The following VPS13D variants were observed in gnomAD, a reference collection of about 807,000 sequenced individuals.
VPS13D encodes the protein vacuolar protein sorting 13 homolog D.
A neutral mutation model predicts 461.9 loss-of-function variants in VPS13D; 187 were observed. The ratio of observed to expected loss-of-function variants is 0.40; its 90% CI spans 0.36 to 0.46. The LOEUF (loss-of-function observed/expected upper bound fraction) is 0.46. Ranked by LOEUF, VPS13D falls within the 20% of genes least tolerant of loss-of-function variation. The probability of loss-of-function intolerance (pLI) is 0.60; values close to 1 mark genes in which losing one functional copy is unlikely to be tolerated. For synonymous variants in VPS13D, 1,951 were observed against 1,986.3 expected, an observed-to-expected ratio of 0.98 and a Z score of 0.47; for missense variants, 4,711 against 5,364.9, an observed-to-expected ratio of 0.88 and a Z score of 3.81.
chr1:12,237,781 C>A (rs1241296682), intron 2 of VPS13D, among the ~76,000 whole-genome samples: 1 of 152,078 alleles, frequency 6.6e-6, no homozygotes, highest in East Asian at 1.9e-4. Flanking sequence ...GAGCTATGTT[C>A]TTGTCACTGC....
chr1:12,493,840 C>A (rs1344754759), intron 67 of VPS13D, among the ~76,000 whole-genome samples: 1 of 152,218 alleles, frequency 6.6e-6, no homozygotes, highest in Non-Finnish European at 1.5e-5. Context: ...CAAATACTCT[C>A]CCCCTACCCA....
At chr1:12,437,410 T>C (rs1645076040) in intron 65 of VPS13D, among the ~76,000 whole-genome samples, 1 of 152,192 alleles carries the variant, frequency 6.6e-6, no homozygotes, top group Non-Finnish European at 1.5e-5. Context: ...CTGTGCAATT[T>C]GGAGCTCAAC....
Position 12,346,627 on chromosome 1 carries a change from C to G in VPS13D, c.9044C>G (p.Thr3015Arg), listed in dbSNP as rs746308274. Residue 3015 changes from threonine (T) to arginine (R), a missense_variant, in exon 44 of 70, where the codon ACA (threonine) becomes AGA (arginine). Thr to Arg is a moderately conservative substitution (Grantham distance 71). This residue lies in a region of VPS13D where 4,411 missense variants were observed against 4,937.8 expected (regional missense o/e 0.89). Coordinates refer to ENST00000620676, the MANE Select transcript of VPS13D (RefSeq NM_015378.4). ...SSTIGSPSSRTNIIHPQVYFS... is the reference protein window; with the variant it reads ...SSTIGSPSSRRNIIHPQVYFS... Reference sequence around the variant, plus strand: ...CAGATTGGCAGCCCAAGCAGCAGAACAAATATTATACATCCCCAGGTTTAT... The same window carrying G: ...CAGATTGGCAGCCCAAGCAGCAGAAGAAATATTATACATCCCCAGGTTTAT... The G allele has an allele frequency of 6.2e-7, 1 of 1,613,256 alleles. No homozygotes were observed. The highest frequency in any genetic ancestry group is 8.5e-7 in the Non-Finnish European group (1 of 1,179,798).
In VPS13D at chr1:12,314,172, C is replaced by T. The variant is rs573748248; in HGVS notation, c.6993C>T (p.Ser2331=). ...AAAGTTTTTCCAACCAAACCAAGTCCATTAACTTGGTTTCCCATTCCATGA... is the reference window on the plus strand; with the variant it reads ...AAAGTTTTTCCAACCAAACCAAGTCTATTAACTTGGTTTCCCATTCCATGA... The part of the protein sequence containing the change: ...LYESFSNQTK[S]INLVSHSMMA... The change falls in exon 30 of 70, where the codon TCC becomes TCT. Residue 2331 remains serine (S), a synonymous_variant. Coordinates refer to ENST00000620676, the MANE Select transcript of VPS13D (RefSeq NM_015378.4). 2 of 1,614,142 alleles carry T rather than the reference C, an allele frequency of 1.2e-6. No homozygotes were observed. Among genetic ancestry groups the T allele is most frequent in the Non-Finnish European group, 8.5e-7 (1 of 1,180,010 alleles).
chr1:12,292,923 C>T (rs986385914), intron 23 of VPS13D, among the ~76,000 whole-genome samples: 3 of 152,076 alleles, frequency 2.0e-5, no homozygotes, highest in African/African-American at 4.8e-5. Flanking sequence ...CTCAATTTCC[C>T]GCCTAGCCCA....
At chr1:12,261,247 T>G (rs1641099571) in intron 12 of VPS13D, 98 bp downstream of exon 12, 1 of 1,417,496 alleles carries the variant, frequency 7.1e-7, no homozygotes, top group Admixed American at 1.8e-5. Flanking sequence ...AGTAGATATT[T>G]GGAGAACAGT....
chr1:12,239,919 G>C (rs1444835483), intron 2 of VPS13D, among the ~76,000 whole-genome samples: 1 of 152,170 alleles, frequency 6.6e-6, no homozygotes, highest in Non-Finnish European at 1.5e-5. Context: ...TGTCTGGAGT[G>C]AGTGACCTGC....
At chr1:12,261,238 G>A (rs1641098747) in intron 12 of VPS13D, 89 bp downstream of exon 12, 2 of 1,482,924 alleles carry the variant, frequency 1.3e-6, no homozygotes, top group African/African-American at 2.8e-5. Context: ...TTTAACAAAA[G>A]TAGATATTTG....
At position 12,369,494 on chromosome 1, in the gene VPS13D, G is replaced by A. The variant is rs150752298; in HGVS notation, c.10600G>A (p.Val3534Ile). The change falls in exon 54 of 70, where the codon GTA becomes ATA. Residue 3534 changes from valine (V) to isoleucine (I), a missense_variant. By Grantham distance (29) the Val-to-Ile change is conservative (BLOSUM62 3). Coordinates refer to ENST00000620676, the MANE Select transcript of VPS13D (RefSeq NM_015378.4). ...KVPVVFTQHG[V>I]AEPRLRTEVK... The stretch of plus-strand genomic sequence containing the variant: ...CCCGGTTGTCTTTACTCAGCATGGC[G>A]TAGCTGAACCCAGGCTCCGGACTGA... The A allele has an allele frequency of 4.8e-5, 77 of 1,614,090 alleles. No homozygotes were observed. Among genetic ancestry groups the A allele is most frequent in the African/African-American group, 2.7e-4 (20 of 74,998 alleles).
intron 30 of VPS13D, among the ~76,000 whole-genome samples, chr1:12,316,778 C>T (rs955150027): frequency 1.3e-5 from 2 of 148,790 alleles, no homozygotes; most frequent in South Asian, 2.3e-4. Context: ...TTTGGGCTTA[C>T]GGAACCAAGT....
At chr1:12,258,384 GTTTCA>G (rs1640987372) in intron 10 of VPS13D, among the ~76,000 whole-genome samples, 1 of 151,966 alleles carries the variant, frequency 6.6e-6, no homozygotes, top group Non-Finnish European at 1.5e-5. Flanking sequence ...TCAAGAGACT[GTTTCA>G]TACAGTCACC....
chr1:12,283,926 T>C (rs534076196), intron 21 of VPS13D, among the ~76,000 whole-genome samples, 190 bp downstream of exon 21: 2 of 152,380 alleles, frequency 1.3e-5, no homozygotes, highest in Non-Finnish European at 2.9e-5. Flanking sequence ...AAATCCCATC[T>C]GGAGGCAGGG....
chr1:12,311,323 G>A (rs1284367603), intron 27 of VPS13D, 131 bp from the exon 28 acceptor site: 2 of 747,256 alleles, frequency 2.7e-6, no homozygotes, highest in Non-Finnish European at 4.0e-6. Flanking sequence ...TGAAATTTTT[G>A]TCATTGGAAG....
intron 67 of VPS13D, among the ~76,000 whole-genome samples, chr1:12,467,718 C>T (rs1645507162): frequency 1.3e-5 from 2 of 152,138 alleles, no homozygotes; most frequent in Non-Finnish European, 2.9e-5. Context: ...TTCATGCACA[C>T]ACGTGTTTGA....
At position 12,415,216 on chromosome 1, in the gene VPS13D, C is replaced by G. The variant is rs2100230162; in HGVS notation, c.12160C>G (p.Gln4054Glu). 1 of 1,614,020 alleles carries G rather than the reference C, an allele frequency of 6.2e-7. No individual in the cohort carries two copies. The highest frequency in any genetic ancestry group is 2.2e-5 in the East Asian group (1 of 44,874). ...FIINDILKHF[Q>E]EELLSQAARI... is the part of the protein sequence containing the mutation. ...CATCAATGATATCCTCAAACATTTC[C>G]AGGAGGTGAGGCTTGGAGAAGTAAT... Residue 4054 changes from glutamine (Q) to glutamate (E), a missense_variant, in exon 64 of 70, where the codon CAG (glutamine) becomes GAG (glutamate). By Grantham distance (29) the Gln-to-Glu change is conservative. Coordinates refer to ENST00000620676, the MANE Select transcript of VPS13D (RefSeq NM_015378.4).
chr1:12,505,936 C>T lies in VPS13D; in HGVS notation c.12795-917C>T, dbSNP rs549165759. On this transcript the variant is annotated intron_variant, in intron 68 of 69. Transcript: ENST00000620676. The surrounding 1 kb of genome is among the most constrained non-coding windows in gnomAD (Gnocchi z 4.2). Reference sequence around the variant, plus strand: ...CAGAGGACCTGGGAACAACGCCGTTCTGGACCCAGGTTTCAGAACACTTCC... The same window carrying T: ...CAGAGGACCTGGGAACAACGCCGTTTTGGACCCAGGTTTCAGAACACTTCC... 6.6e-6 allele frequency among the ~76,000 whole-genome samples: 1 copy of T among 152,392 alleles called. No individual in the cohort carries two copies. Among genetic ancestry groups the T allele is most frequent in the East Asian group, 1.9e-4 (1 of 5,194 alleles).
rs1643907550 is a variant in VPS13D, at chr1:12,358,541, G to A, written c.10081G>A (p.Gly3361Ser). Reference protein sequence around the residue: ...CQGFSLDGGSGVRALKVIQQG... With the variant: ...CQGFSLDGGSSVRALKVIQQG... ...GGGCTTCTCCCTGGATGGTGGTAGT[G>A]GTGTCCGAGCTTTGAAAGTCATCCA... Residue 3361 changes from glycine to serine, a missense_variant, in exon 50 of 70, where the codon GGT becomes AGT. Physicochemically the swap from Gly to Ser is moderately conservative, Grantham distance 56. Transcript: ENST00000620676. 1.2e-6 allele frequency: 2 copies of A among 1,614,034 alleles called. No homozygotes were observed. Among genetic ancestry groups the A allele is most frequent in the Non-Finnish European group, 1.7e-6 (2 of 1,180,036 alleles).
chr1:12,334,164 A>G (rs1643395807), intron 38 of VPS13D, among the ~76,000 whole-genome samples: 1 of 152,248 alleles, frequency 6.6e-6, no homozygotes, highest in African/African-American at 2.4e-5. Flanking sequence ...GAAAGAATGT[A>G]TTGTGAAATG....
rs1488941387 is a variant in VPS13D, at chr1:12,260,760, A to C, written c.1178A>C (p.His393Pro). The part of the protein sequence containing the change: ...EELKILRELV[H>P]DRFHKQEELA... ...TTGAAGATTTTGCGTGAACTGGTTC[A>C]TGATCGATTTCACAAACAGGAAGAA... is the stretch of plus-strand genomic sequence containing the variant. The change falls in exon 11 of 70, where the codon CAT becomes CCT. Residue 393 changes from histidine (H) to proline (P), a missense_variant. Physicochemically the swap from His to Pro is moderately conservative, Grantham distance 77. Around this residue, in one of 3 missense-constraint regions of VPS13D, gnomAD observed 4,411 missense variants for 4,937.8 expected, o/e 0.89. Coordinates refer to ENST00000620676, the MANE Select transcript of VPS13D (RefSeq NM_015378.4). 6.2e-6 allele frequency: 10 copies of C among 1,614,096 alleles called. No individual in the cohort carries two copies. The highest frequency in any genetic ancestry group is 7.6e-6 in the Non-Finnish European group (9 of 1,180,028).
Sources: gnomAD v4.1 joint callset for allele counts (sites outside exome capture counted in the v4.1 genomes callset) on GRCh38, gnomAD v4.1.1 for gene constraint, gnomAD v4.1.1 regional missense constraint, Gnocchi (gnomAD v3.1) non-coding constraint, MANE v1.5 for transcripts, NCBI Gene and HGNC (gene_info 2026-07-23, HGNC 2026-07-21) for gene names.